Variants in ENOX1 observed in about 807,000 individuals in gnomAD.
The protein encoded by ENOX1 is ecto-NOX disulfide-thiol exchanger 1, also known as candidate growth-related and time keeping constitutive hydroquinone (NADH) oxidase.
ENOX1 carries 42 observed loss-of-function variants against 82.5 expected under a neutral mutation model. The observed-to-expected ratio is 0.51, with a 90% CI of 0.40 to 0.66. The LOEUF is 0.66. ENOX1 is among the 30% of genes least tolerant of loss of function. The probability of loss-of-function intolerance (pLI) is 0.00; values close to 1 mark genes in which losing one functional copy is unlikely to be tolerated. For synonymous variants in ENOX1, 271 were observed against 282.2 expected, an observed-to-expected ratio of 0.96 and a Z score of 0.40; for missense variants, 608 against 811.6, an observed-to-expected ratio of 0.75 and a Z score of 3.05.
At chr13:43,766,824 A>T (rs1249201482) in intron 1 of ENOX1, among the ~76,000 whole-genome samples, 1 of 152,148 alleles carries the variant, frequency 6.6e-6, no homozygotes, top group African/African-American at 2.4e-5. Flanking sequence ...ATTCTCACTA[A>T]AAGGATGAAA....
At chr13:43,368,325 T>C (rs1160082402) in intron 5 of ENOX1, among the ~76,000 whole-genome samples, 1 of 152,226 alleles carries the variant, frequency 6.6e-6, no homozygotes, top group African/African-American at 2.4e-5. Flanking sequence ...CTAAGTATTG[T>C]TGACTTGGGT....
At chr13:43,370,163 C>T (rs971493559) in intron 5 of ENOX1, among the ~76,000 whole-genome samples, 17 of 152,082 alleles carry the variant, frequency 1.1e-4, no homozygotes, top group African/African-American at 3.9e-4. Context: ...GTCCAGAGAT[C>T]GAGACCAACC....
At chr13:43,507,881 T>C (rs1193412854) in intron 2 of ENOX1, among the ~76,000 whole-genome samples, 2 of 152,002 alleles carry the variant, frequency 1.3e-5, no homozygotes, top group Admixed American at 6.6e-5. Context: ...AATACAATCA[T>C]AGTATACAAC....
intron 1 of ENOX1, among the ~76,000 whole-genome samples, chr13:43,733,911 A>G (rs114427195): frequency 0.011 from 1,690 of 152,268 alleles, 23 homozygotes; most frequent in African/African-American, 0.033. Context: ...GTGAGCTATG[A>G]CTGTGCCACT....
At chr13:43,384,248 G>A (rs2052261385) in intron 5 of ENOX1, among the ~76,000 whole-genome samples, 1 of 152,178 alleles carries the variant, frequency 6.6e-6, no homozygotes, top group African/African-American at 2.4e-5. Flanking sequence ...AACATTTGTA[G>A]AGAATGAATG....
At chr13:43,782,105 C>A (rs1952303804) in intron 1 of ENOX1, among the ~76,000 whole-genome samples, 1 of 152,072 alleles carries the variant, frequency 6.6e-6, no homozygotes, top group South Asian at 2.1e-4. Flanking sequence ...CTCTGATATT[C>A]TATCATAGGA....
rs146628232 is a variant in ENOX1 at position 43,305,444 on chromosome 13, T to C, written c.1262-6914A>G. ...AAGCACAATGCAGTGTCTATTTCCA[T>C]CTTTGTGTGAGGCCAGCGGAATAAG... On this transcript the variant is annotated intron_variant, in intron 11 of 16. Coordinates refer to ENST00000690772, the MANE Select transcript of ENOX1 (RefSeq NM_001347969.2). Among the ~76,000 whole-genome samples the C allele has an allele frequency of 1.1e-4, 17 of 152,270 alleles. No homozygotes were observed. The East Asian group carries it at 3.3e-3, about 29-fold the overall frequency.
intron 8 of ENOX1, among the ~76,000 whole-genome samples, chr13:43,346,167 T>C (rs1023721004): frequency 1.3e-5 from 2 of 152,186 alleles, no homozygotes; most frequent in Non-Finnish European, 2.9e-5. Flanking sequence ...AAAGACCTCC[T>C]CCCAGACCAG....
At position 43,553,579 on chromosome 13, in the gene ENOX1, G is replaced by C. The variant is rs575246097; in HGVS notation, c.-218-69427C>G. On this transcript the variant is annotated intron_variant, in intron 2 of 16. Transcript: ENST00000690772. Reference sequence around the variant, plus strand: ...GTTTTGCAAATTGTTAGTTCCTGCAGATAATGACAAGTAGAGGGATTAAAG... The same window carrying C: ...GTTTTGCAAATTGTTAGTTCCTGCACATAATGACAAGTAGAGGGATTAAAG... 3.3e-5 allele frequency among the ~76,000 whole-genome samples: 5 copies of C among 152,296 alleles called. No individual in the cohort carries two copies. In the South Asian group the frequency reaches 6.2e-4, roughly 19 times the overall value.
intron 5 of ENOX1, among the ~76,000 whole-genome samples, chr13:43,375,972 G>T (rs1254104620): frequency 6.6e-6 from 1 of 152,204 alleles, no homozygotes; most frequent in Non-Finnish European, 1.5e-5. Flanking sequence ...GGAAGACTGA[G>T]GTTATAAAGG....
intron 2 of ENOX1, among the ~76,000 whole-genome samples, chr13:43,583,642 T>G (rs557668176): frequency 6.6e-5 from 10 of 152,210 alleles, no homozygotes; most frequent in Non-Finnish European, 1.3e-4. Context: ...TATTTGATTC[T>G]CCCTACAGAC....
intron 1 of ENOX1, among the ~76,000 whole-genome samples, chr13:43,779,006 A>G (rs529808002): frequency 6.6e-6 from 1 of 152,074 alleles, no homozygotes; most frequent in South Asian, 2.1e-4. Context: ...GGTACTCATG[A>G]TTGTCTGAGC....
At chr13:43,246,474 G>A (rs531427178) in intron 14 of ENOX1, among the ~76,000 whole-genome samples, 28 of 152,354 alleles carry the variant, frequency 1.8e-4, no homozygotes, top group African/African-American at 6.5e-4. Flanking sequence ...GGAAAGGGGA[G>A]CAGGGAGGAA....
intron 1 of ENOX1, among the ~76,000 whole-genome samples, chr13:43,712,664 A>T (rs1013781749): frequency 3.3e-5 from 5 of 151,836 alleles, no homozygotes; most frequent in Admixed American, 3.3e-4. Flanking sequence ...TAGGTATTTT[A>T]TTCTCTTTGA....
chr13:43,413,815 T>C (rs2153600087), intron 3 of ENOX1, among the ~76,000 whole-genome samples: 1 of 151,052 alleles, frequency 6.6e-6, no homozygotes, highest in East Asian at 1.9e-4. Flanking sequence ...AATCTCACAC[T>C]ATTTATAAAA....
At position 43,283,059 on chromosome 13, in the gene ENOX1, G is replaced by A. The variant is rs948265395; in HGVS notation, c.1447-13482C>T. Among the ~76,000 whole-genome samples the A allele has an allele frequency of 2.4e-4, 36 of 151,580 alleles. 1 individual carries two copies. The highest frequency in any genetic ancestry group is 1.3e-4 in the Admixed American group (2 of 15,178). ...GATCACGCCACTGCATTCCAGCCTGGGTGACAGAGCGAGACTCGGTCTCAA... is the reference window on the plus strand; with the variant it reads ...GATCACGCCACTGCATTCCAGCCTGAGTGACAGAGCGAGACTCGGTCTCAA... On this transcript the variant is annotated intron_variant, in intron 12 of 16. Transcript: ENST00000690772.
chr13:43,312,517 A>G (rs1305043899), intron 11 of ENOX1, among the ~76,000 whole-genome samples: 1 of 152,180 alleles, frequency 6.6e-6, no homozygotes, highest in Non-Finnish European at 1.5e-5. Context: ...CTGAGGTTTG[A>G]GGAACGTCTT....
intron 1 of ENOX1, among the ~76,000 whole-genome samples, chr13:43,757,888 A>C (rs1310691787): frequency 6.6e-6 from 1 of 152,150 alleles, no homozygotes; most frequent in Non-Finnish European, 1.5e-5. Context: ...AATGTCCATC[A>C]CAACTTTATT....
chr13:43,317,067 C>T (rs1237229466), intron 11 of ENOX1, among the ~76,000 whole-genome samples: 14 of 152,196 alleles, frequency 9.2e-5, no homozygotes, highest in Non-Finnish European at 1.5e-5. Context: ...ACAGCTTATC[C>T]TTCTATGCTT....
Sources: gnomAD v4.1 joint callset for allele counts (sites outside exome capture counted in the v4.1 genomes callset) on GRCh38, gnomAD v4.1.1 for gene constraint, MANE v1.5 for transcripts, NCBI Gene and HGNC (gene_info 2026-07-23, HGNC 2026-07-21) for gene names.